Variants in SKAP1 observed in about 807,000 individuals in gnomAD.
SKAP1 encodes src kinase associated phosphoprotein 1.
Under a neutral mutation model 58.5 loss-of-function variants are expected in SKAP1, and 44 were observed. That is an observed-to-expected ratio of 0.75 (90% CI 0.59 to 0.97). SKAP1 has a LOEUF of 0.97. SKAP1 is among the 50% of genes least tolerant of loss of function. The pLI is 0.00. For missense variants in SKAP1, 390 were observed against 435.2 expected, an observed-to-expected ratio of 0.90 and a Z score of 0.92; for synonymous variants, 127 against 149.7, an observed-to-expected ratio of 0.85 and a Z score of 1.11.
At chr17:48,232,205 A>G (rs2143785290) in intron 4 of SKAP1, among the ~76,000 whole-genome samples, 1 of 152,358 alleles carries the variant, frequency 6.6e-6, no homozygotes, top group East Asian at 1.9e-4. Context: ...CTGAATCATA[A>G]TCTGTGCAAA....
chr17:48,216,105 A>T (rs1400979939), intron 4 of SKAP1, among the ~76,000 whole-genome samples: 1 of 152,202 alleles, frequency 6.6e-6, no homozygotes, highest in Non-Finnish European at 1.5e-5. Context: ...TGCTGGGTTC[A>T]TACCACTGAC....
At chr17:48,417,474 G>A (rs1419481500) in intron 1 of SKAP1, among the ~76,000 whole-genome samples, 1 of 152,240 alleles carries the variant, frequency 6.6e-6, no homozygotes, top group Non-Finnish European at 1.5e-5. Flanking sequence ...GCCAGGTGCA[G>A]TGGCTAACGC....
At chr17:48,139,037 C>T (rs1005657990) in intron 11 of SKAP1, among the ~76,000 whole-genome samples, 17 of 151,850 alleles carry the variant, frequency 1.1e-4, no homozygotes, top group African/African-American at 1.9e-4. Flanking sequence ...TACAGGCTTG[C>T]GCCCAGCTAA....
intron 4 of SKAP1, among the ~76,000 whole-genome samples, chr17:48,311,395 T>C (rs2066222873): frequency 6.6e-6 from 1 of 151,876 alleles, no homozygotes. Flanking sequence ...GTAACTGCTA[T>C]ATTTTCCACT....
At chr17:48,420,674 CCT>C (rs141936611) in intron 1 of SKAP1, among the ~76,000 whole-genome samples, 4,448 of 152,198 alleles carry the variant, frequency 0.029, 239 homozygotes, top group African/African-American at 0.1. Flanking sequence ...CCTGGCACCC[CCT>C]GATTCTCCAG....
At chr17:48,142,784 C>T (rs2063784179) in intron 11 of SKAP1, among the ~76,000 whole-genome samples, 1 of 151,984 alleles carries the variant, frequency 6.6e-6, no homozygotes, top group Non-Finnish European at 1.5e-5. Flanking sequence ...TGTCTGCCAC[C>T]TCTTCCTACA....
At chr17:48,340,142 T>G (rs531083246) in intron 4 of SKAP1, among the ~76,000 whole-genome samples, 3 of 152,240 alleles carry the variant, frequency 2.0e-5, no homozygotes, top group African/African-American at 7.2e-5. Context: ...GTCATGCCAC[T>G]GCACTCCAGC....
chr17:48,281,663 T>C (rs886989921), intron 4 of SKAP1, among the ~76,000 whole-genome samples: 1 of 152,148 alleles, frequency 6.6e-6, no homozygotes, highest in South Asian at 2.1e-4. Flanking sequence ...TAGTGATCCA[T>C]GGCTTAAGTT....
intron 6 of SKAP1, chr17:48,185,054 G>T: frequency 3.9e-6 from 2 of 514,804 alleles, no homozygotes; most frequent in Non-Finnish European, 6.8e-6. Flanking sequence ...GAAATGCAAC[G>T]TGAAAGGTTA....
intron 2 of SKAP1, among the ~76,000 whole-genome samples, chr17:48,371,441 C>G (rs1356593401): frequency 5.9e-5 from 9 of 151,862 alleles, no homozygotes; most frequent in Admixed American, 5.2e-4. Context: ...TTAAAGTACT[C>G]AGAGCTTTAT....
intron 1 of SKAP1, among the ~76,000 whole-genome samples, chr17:48,417,517 G>A (rs1330063312): frequency 2.0e-5 from 3 of 152,118 alleles, no homozygotes; most frequent in African/African-American, 4.8e-5. Flanking sequence ...AGCCGAGGCA[G>A]GAGGATTACC....
intron 6 of SKAP1, among the ~76,000 whole-genome samples, chr17:48,186,810 C>T (rs908033098): frequency 2.0e-4 from 31 of 152,284 alleles, no homozygotes; most frequent in Non-Finnish European, 4.0e-4. Flanking sequence ...GCCACAGGTG[C>T]AGGAAGTACA....
the SKAP1 span, among the ~76,000 whole-genome samples, chr17:48,438,714 CA>C: frequency 1.3e-5 from 2 of 152,118 alleles, no homozygotes; most frequent in African/African-American, 4.8e-5. Context: ...CTTATTGCAG[CA>C]AAAACAAAGT....
the SKAP1 span, among the ~76,000 whole-genome samples, chr17:48,436,330 C>T: frequency 6.6e-6 from 1 of 152,218 alleles, no homozygotes; most frequent in African/African-American, 2.4e-5. Context: ...CCTCGGCCTC[C>T]CAAAGTGCTG....
intron 11 of SKAP1, among the ~76,000 whole-genome samples, chr17:48,146,643 T>C (rs2063836243): frequency 6.6e-6 from 1 of 152,038 alleles, no homozygotes; most frequent in Non-Finnish European, 1.5e-5. Context: ...TCTTTTTTTT[T>C]TGAGATGGAG....
intron 4 of SKAP1, among the ~76,000 whole-genome samples, chr17:48,246,501 T>A (rs1395799159): frequency 6.6e-6 from 1 of 152,200 alleles, no homozygotes; most frequent in Non-Finnish European, 1.5e-5. Flanking sequence ...AAAGCTTTAT[T>A]TTATTTTTTA....
intron 10 of SKAP1, among the ~76,000 whole-genome samples, chr17:48,169,901 G>A (rs2064186763): frequency 6.6e-6 from 1 of 152,090 alleles, no homozygotes; most frequent in South Asian, 2.1e-4. Context: ...CTCTGCCGAC[G>A]GAACGAATGT....
intron 10 of SKAP1, among the ~76,000 whole-genome samples, chr17:48,165,391 CT>C (rs1555595913): frequency 6.7e-6 from 1 of 148,616 alleles, no homozygotes; most frequent in Non-Finnish European, 1.5e-5. Flanking sequence ...TTCTTTCTTT[CT>C]TTCTTTCTTT....
At chr17:48,239,273 T>C (rs2065216684) in intron 4 of SKAP1, among the ~76,000 whole-genome samples, 1 of 152,158 alleles carries the variant, frequency 6.6e-6, no homozygotes, top group Non-Finnish European at 1.5e-5. Flanking sequence ...CTTCAGTATC[T>C]CAGACCCAGG....
Sources: allele counts gnomAD v4.1 joint callset (sites outside exome capture counted in the v4.1 genomes callset), GRCh38; gene constraint gnomAD v4.1.1; transcripts MANE v1.5; gene names NCBI Gene and HGNC (gene_info 2026-07-23, HGNC 2026-07-21).